CNST: variants seen among roughly 807,000 people sequenced by gnomAD.
CNST encodes consortin, connexin sorting protein, also known as consortin.
CNST carries 39 observed loss-of-function variants against 72.4 expected under a neutral mutation model. That is an observed-to-expected ratio of 0.54 (90% CI 0.42 to 0.70). CNST has a LOEUF of 0.70. Ranked by LOEUF, CNST falls within the 30% of genes least tolerant of loss-of-function variation. The probability of loss-of-function intolerance (pLI) is 0.00; values close to 1 mark genes in which losing one functional copy is unlikely to be tolerated. For missense variants in CNST, 871 were observed against 868.5 expected, an observed-to-expected ratio of 1.00 and a Z score of -0.04; for synonymous variants, 332 against 320.1, an observed-to-expected ratio of 1.04 and a Z score of -0.40.
At position 246,566,602 on chromosome 1, in the gene CNST, G is replaced by A. The variant is rs906114149; in HGVS notation, c.-113G>A. 2 of 404,212 alleles carry A rather than the reference G, an allele frequency of 4.9e-6. No individual in the cohort carries two copies. The highest frequency in any genetic ancestry group is 2.1e-5 in the African/African-American group (1 of 48,672). The allele number at this position is 404,212 out of a possible 1,614,324, so 25.0% of individuals were successfully genotyped here. On this transcript the variant is annotated 5_prime_UTR_variant, in exon 1 of 11. Transcript: ENST00000366513. ...ACAGCACGTCGGCCGCCATGTCGCC[G>A]AGTGGGGCTGGAAACAGACCCGGCG...
chr1:246,643,037 C>T (rs1665824064), intron 8 of CNST, among the ~76,000 whole-genome samples: 1 of 150,222 alleles, frequency 6.7e-6, no homozygotes, highest in Admixed American at 6.6e-5. Context: ...TATAGGCACA[C>T]ACCACGGCGC....
Position 246,634,015 on chromosome 1 carries a change from G to A in CNST, c.703+5G>A. On this transcript the variant is annotated splice_donor_5th_base_variant and intron_variant, in intron 5 of 10. Coordinates refer to ENST00000366513, the MANE Select transcript of CNST (RefSeq NM_152609.3). Reference sequence around the variant, plus strand: ...CTGCCATTCAAGAACAGTGGGGTAAGTACAGACCAACATGGAATGTGGAAT... The same window carrying A: ...CTGCCATTCAAGAACAGTGGGGTAAATACAGACCAACATGGAATGTGGAAT... 1 of 1,581,212 alleles carries A rather than the reference G, an allele frequency of 6.3e-7. No homozygotes were observed. Among genetic ancestry groups the A allele is most frequent in the Non-Finnish European group, 8.7e-7 (1 of 1,150,540 alleles).
chr1:246,634,956 C>CGTGTCTTCCCGCCGGGGTAG (rs1665068724), intron 6 of CNST, among the ~76,000 whole-genome samples: 4 of 115,924 alleles, frequency 3.5e-5, no homozygotes, highest in Non-Finnish European at 7.5e-5. Context: ...CTCGGTGGTG[C>CGTGTCTTCCCGCCGGGGTAG]GTGTCTTCCG....
intron 3 of CNST, among the ~76,000 whole-genome samples, chr1:246,631,366 A>C (rs1664765071): frequency 6.6e-6 from 1 of 152,228 alleles, no homozygotes; most frequent in South Asian, 2.1e-4. Flanking sequence ...CAGACCAAAA[A>C]GTCAGTGTCC....
chr1:246,636,400 C>T (rs1665242985), intron 6 of CNST, among the ~76,000 whole-genome samples: 1 of 152,194 alleles, frequency 6.6e-6, no homozygotes, highest in Non-Finnish European at 1.5e-5. Context: ...AAGGTCTATC[C>T]CATGCCACGG....
chr1:246,630,677 T>C (rs150793769), intron 3 of CNST, among the ~76,000 whole-genome samples: 57 of 146,676 alleles, frequency 3.9e-4, no homozygotes, highest in Non-Finnish European at 6.4e-4. Flanking sequence ...AAAACGGAGA[T>C]AGTGATGTAT....
At chr1:246,662,769 G>A (rs908671959) in intron 10 of CNST, among the ~76,000 whole-genome samples, 3 of 152,170 alleles carry the variant, frequency 2.0e-5, no homozygotes, top group African/African-American at 7.2e-5. Flanking sequence ...AAAATTACTA[G>A]TGAGACATTT....
intron 4 of CNST, 29 bp downstream of exon 4, chr1:246,631,953 T>C (rs780071509): frequency 1.5e-6 from 2 of 1,320,228 alleles, no homozygotes; most frequent in South Asian, 2.5e-5. Context: ...CAGGAAGAAA[T>C]TTTTAGAACT....
chr1:246,623,272 A>G (rs556243825), intron 3 of CNST, among the ~76,000 whole-genome samples: 3 of 152,380 alleles, frequency 2.0e-5, no homozygotes, highest in Non-Finnish European at 4.4e-5. Flanking sequence ...CCAGCTTTAC[A>G]TAAACATGCT....
Position 246,666,134 on chromosome 1 carries a change from A to G in CNST, c.*229A>G. The G allele has an allele frequency of 2.0e-6, 1 of 508,616 alleles. No homozygotes were observed. Among genetic ancestry groups the G allele is most frequent in the Non-Finnish European group, 3.5e-6 (1 of 283,456 alleles). The allele number at this position is 508,616 out of a possible 1,614,324, so 31.5% of individuals were successfully genotyped here. A position where few individuals can be genotyped will look rare whatever the true frequency, so the allele number is the denominator to read the frequency against. ...TGGATGGAAGGAATGGTCTTTGGAG[A>G]GAGCATATCCATCTCCTCCTCACTG... is the stretch of plus-strand genomic sequence containing the variant. On this transcript the variant is annotated 3_prime_UTR_variant, in exon 11 of 11. Coordinates refer to ENST00000366513, the MANE Select transcript of CNST (RefSeq NM_152609.3).
intron 2 of CNST, among the ~76,000 whole-genome samples, chr1:246,603,703 T>C (rs1662470292): frequency 6.6e-6 from 1 of 152,160 alleles, no homozygotes; most frequent in South Asian, 2.1e-4. Flanking sequence ...AGGACATATG[T>C]GTGAAATGTC....
chr1:246,642,017 G>C lies in CNST; in HGVS notation c.917G>C (p.Gly306Ala). Residue 306 changes from glycine (G) to alanine (A), a missense_variant, in exon 8 of 11, where the codon GGA (glycine) becomes GCA (alanine). Transcript: ENST00000366513. The part of the protein sequence containing the change: ...LLVSEDPKEG[G>A]ATTKESESKT... ...GTGTCTGAAGATCCAAAGGAAGGAG[G>C]AGCTACCACCAAAGAGTCAGGTATG... The C allele has an allele frequency of 6.2e-7, 1 of 1,609,408 alleles. No homozygotes were observed.
intron 2 of CNST, among the ~76,000 whole-genome samples, chr1:246,598,893 T>TA (rs1662069821): frequency 6.6e-6 from 1 of 152,152 alleles, no homozygotes. Flanking sequence ...CCCTTAGGAG[T>TA]ACATACCACA....
intron 2 of CNST, among the ~76,000 whole-genome samples, chr1:246,595,526 A>G (rs1661819379): frequency 6.6e-6 from 1 of 152,192 alleles, no homozygotes; most frequent in Non-Finnish European, 1.5e-5. Context: ...TATGCATAGG[A>G]GTTTAGACAA....
intron 1 of CNST, among the ~76,000 whole-genome samples, chr1:246,589,929 G>T (rs1661437741): frequency 6.6e-6 from 1 of 152,160 alleles, no homozygotes; most frequent in African/African-American, 2.4e-5. Flanking sequence ...AGAAGTGTCT[G>T]TTCATATCCT....
intron 9 of CNST, among the ~76,000 whole-genome samples, chr1:246,654,978 G>A (rs990648059): frequency 1.3e-5 from 2 of 152,240 alleles, no homozygotes; most frequent in Middle Eastern, 3.4e-3. Flanking sequence ...CAAAAATATA[G>A]TTTTGGATAC....
chr1:246,630,747 G>T (rs1481527169), intron 3 of CNST, among the ~76,000 whole-genome samples: 2 of 151,954 alleles, frequency 1.3e-5, no homozygotes, highest in Non-Finnish European at 2.9e-5. Flanking sequence ...GTTTTGGTTT[G>T]TTTTGGTTTT....
intron 1 of CNST, among the ~76,000 whole-genome samples, chr1:246,586,486 GATATATAAATAATATATAA>G (rs1244947983): frequency 2.0e-5 from 3 of 148,290 alleles, no homozygotes; most frequent in Non-Finnish European, 3.0e-5. Context: ...CTATATCTGA[GATATATAAATAATATATAA>G]ATATATAAAT....
chr1:246,634,034 G>A (rs1452149966), intron 5 of CNST, 24 bp downstream of exon 5: 1 of 1,462,952 alleles, frequency 6.8e-7, no homozygotes, highest in South Asian at 1.2e-5. Flanking sequence ...AACATGGAAT[G>A]TGGAATTAGC....
Sources: allele counts gnomAD v4.1 joint callset (sites outside exome capture counted in the v4.1 genomes callset), GRCh38; gene constraint gnomAD v4.1.1; transcripts MANE v1.5; gene names NCBI Gene and HGNC (gene_info 2026-07-23, HGNC 2026-07-21).